GABBR2: variants seen among roughly 807,000 people sequenced by gnomAD.
The protein encoded by GABBR2 is G-protein coupled receptor 51.
GABBR2 carries 23 observed loss-of-function variants against 105.6 expected under a neutral mutation model. The ratio of observed to expected loss-of-function variants is 0.22; its 90% CI spans 0.16 to 0.31. The LOEUF is 0.31. Ranked by LOEUF, GABBR2 falls within the 10% of genes least tolerant of loss-of-function variation. The pLI, the probability that GABBR2 is intolerant of heterozygous loss-of-function variation, is 1.00. For missense variants in GABBR2, 734 were observed against 1,245.5 expected, an observed-to-expected ratio of 0.59 and a Z score of 6.18; for synonymous variants, 478 against 499.7, an observed-to-expected ratio of 0.96 and a Z score of 0.58.
chr9:98,648,120 G>GTGTGTGTGTGTGTGTGTGTGT (rs1564140811), intron 1 of GABBR2, among the ~76,000 whole-genome samples: 6 of 39,946 alleles, frequency 1.5e-4, no homozygotes, highest in Non-Finnish European at 2.8e-4. Flanking sequence ...TGTGTGTATA[G>GTGTGTGTGTGTGTGTGTGTGT]ATAGATAGAT....
In GABBR2 at chr9:98,294,142, C is replaced by T. The variant is rs528586751; in HGVS notation, c.2543-240G>A. 7.5e-4 allele frequency among the ~76,000 whole-genome samples: 114 copies of T among 152,222 alleles called. 1 individual carries two copies. Among genetic ancestry groups the T allele is most frequent in the Non-Finnish European group, 1.4e-3 (97 of 68,016 alleles). ...CTGGGGATGTGTGTGGCATGCCCCA[C>T]GCTCTCCTTTCCAAGAACAAAAAGG... On this transcript the variant is annotated intron_variant, in intron 17 of 18. Coordinates refer to ENST00000259455, the MANE Select transcript of GABBR2 (RefSeq NM_005458.8).
chr9:98,462,973 C>T (rs928265527), intron 6 of GABBR2, among the ~76,000 whole-genome samples: 2 of 152,188 alleles, frequency 1.3e-5, no homozygotes, highest in African/African-American at 4.8e-5. Context: ...ACTATAACCT[C>T]CGCCTCCTGG....
At chr9:98,489,323 G>T (rs920690761) in intron 4 of GABBR2, among the ~76,000 whole-genome samples, 8 of 152,150 alleles carry the variant, frequency 5.3e-5, no homozygotes, top group African/African-American at 1.9e-4. Flanking sequence ...TGATAAGATG[G>T]AGAGAGAGAA....
At chr9:98,577,228 A>ATGGATGGATGGATGGAT (rs769775744) in intron 2 of GABBR2, among the ~76,000 whole-genome samples, 11 of 151,180 alleles carry the variant, frequency 7.3e-5, no homozygotes, top group East Asian at 5.9e-4. Flanking sequence ...GGATGGATGG[A>ATGGATGGATGGATGGAT]GCAAAAAAGT....
At chr9:98,497,525 C>G (rs954660594) in intron 3 of GABBR2, among the ~76,000 whole-genome samples, 2 of 152,048 alleles carry the variant, frequency 1.3e-5, no homozygotes, top group Non-Finnish European at 2.9e-5. Context: ...GCAATGGAAA[C>G]TGGATTTTGG....
chr9:98,496,594 G>C, intron 3 of GABBR2, 80 bp from the exon 4 acceptor site: 1 of 922,166 alleles, frequency 1.1e-6, no homozygotes. Flanking sequence ...CCCTGGGGAA[G>C]TCAATTGGGC....
At chr9:98,615,086 C>T (rs951676124) in intron 1 of GABBR2, among the ~76,000 whole-genome samples, 1 of 152,218 alleles carries the variant, frequency 6.6e-6, no homozygotes, top group African/African-American at 2.4e-5. Context: ...CACTCAGGGA[C>T]AACCTCAGGT....
chr9:98,396,879 C>T (rs562929146), intron 8 of GABBR2, among the ~76,000 whole-genome samples: 2 of 152,178 alleles, frequency 1.3e-5, no homozygotes, highest in Admixed American at 6.5e-5. Context: ...CAGCTTCCCA[C>T]CGACCGTAAT....
At chr9:98,456,885 T>TTTAGGTGAATTTCCTAATTATG (rs1564076525) in intron 6 of GABBR2, among the ~76,000 whole-genome samples, 6 of 152,392 alleles carry the variant, frequency 3.9e-5, no homozygotes, top group African/African-American at 1.4e-4. Context: ...ATCTTAATTT[T>TTTAGGTGAATTTCCTAATTATG]TTAGGTGAAT....
At chr9:98,651,293 A>G (rs1564141715) in intron 1 of GABBR2, among the ~76,000 whole-genome samples, 1 of 151,664 alleles carries the variant, frequency 6.6e-6, no homozygotes, top group African/African-American at 2.4e-5. Flanking sequence ...ACAGGCATGC[A>G]CCACCACGCC....
chr9:98,600,450 A>G (rs995499311), intron 1 of GABBR2, among the ~76,000 whole-genome samples: 3 of 152,178 alleles, frequency 2.0e-5, no homozygotes, highest in Non-Finnish European at 4.4e-5. Context: ...TGGACTGGCC[A>G]TCTTCCCCTA....
In GABBR2 at chr9:98,391,464, G is replaced by A. The variant is rs1003666030; in HGVS notation, c.1379-2460C>T. 2.6e-5 allele frequency among the ~76,000 whole-genome samples: 4 copies of A among 152,294 alleles called. No individual in the cohort carries two copies. In the South Asian group the frequency reaches 8.3e-4, roughly 32 times the overall value. On this transcript the variant is annotated intron_variant, in intron 9 of 18. Coordinates refer to ENST00000259455, the MANE Select transcript of GABBR2 (RefSeq NM_005458.8). ...TACTACACAAACTGCTGCCCGTGAC[G>A]CTGGGGTCCAGGTGATGTGATAACA...
chr9:98,608,988 T>C (rs147117590), intron 1 of GABBR2, among the ~76,000 whole-genome samples: 1 of 152,336 alleles, frequency 6.6e-6, no homozygotes, highest in East Asian at 1.9e-4. Context: ...TTTCTACCTA[T>C]ATGCAGTCTC....
At chr9:98,601,949 C>T (rs1829343898) in intron 1 of GABBR2, among the ~76,000 whole-genome samples, 1 of 152,188 alleles carries the variant, frequency 6.6e-6, no homozygotes, top group African/African-American at 2.4e-5. Flanking sequence ...AGACCCTTAG[C>T]TGAGTTGCTG....
At chr9:98,405,026 T>C (rs530060020) in intron 8 of GABBR2, among the ~76,000 whole-genome samples, 1 of 152,298 alleles carries the variant, frequency 6.6e-6, no homozygotes, top group Non-Finnish European at 1.5e-5. Context: ...ACCGTGATTA[T>C]ATTATAAAAC....
intron 1 of GABBR2, among the ~76,000 whole-genome samples, chr9:98,590,152 G>T (rs1829127295): frequency 6.6e-6 from 1 of 152,226 alleles, no homozygotes; most frequent in African/African-American, 2.4e-5. Context: ...ATCACTGCTG[G>T]TGGGTAGAGC....
intron 1 of GABBR2, among the ~76,000 whole-genome samples, chr9:98,663,363 G>A (rs1738281522): frequency 6.6e-6 from 1 of 152,110 alleles, no homozygotes; most frequent in Non-Finnish European, 1.5e-5. Context: ...AGAAAACTCT[G>A]TTACAGAACT....
chr9:98,618,030 C>G (rs1286851323), intron 1 of GABBR2, among the ~76,000 whole-genome samples: 1 of 152,164 alleles, frequency 6.6e-6, no homozygotes, highest in Non-Finnish European at 1.5e-5. Context: ...TAGCCCAGTG[C>G]CTGGTCTATA....
intron 1 of GABBR2, among the ~76,000 whole-genome samples, chr9:98,601,881 C>T (rs892445680): frequency 1.3e-5 from 2 of 152,198 alleles, no homozygotes; most frequent in Non-Finnish European, 2.9e-5. Context: ...GGATGTCAAG[C>T]CCCAGCTGCC....
Sources: allele counts gnomAD v4.1 joint callset (sites outside exome capture counted in the v4.1 genomes callset), GRCh38; gene constraint gnomAD v4.1.1; transcripts MANE v1.5; gene names NCBI Gene and HGNC (gene_info 2026-07-23, HGNC 2026-07-21).